UBE2G1: variants seen among roughly 807,000 people sequenced by gnomAD.
The protein encoded by UBE2G1 is ubiquitin conjugating enzyme E2 G1.
A neutral mutation model predicts 22.7 loss-of-function variants in UBE2G1; 5 were observed. The ratio of observed to expected loss-of-function variants is 0.22; its 90% CI spans 0.12 to 0.46. The LOEUF is 0.46. Among genes scored for constraint, UBE2G1 ranks in the 20% least tolerant of loss-of-function variants. The pLI, the probability that UBE2G1 is intolerant of heterozygous loss-of-function variation, is 0.99. For missense variants in UBE2G1, 88 were observed against 203.9 expected (o/e 0.43, Z 3.46); for synonymous variants, 74 against 67.5 (o/e 1.10, Z -0.47).
chr17:4,362,111 TA>T (rs1969975848), intron 1 of UBE2G1, among the ~76,000 whole-genome samples: 1 of 152,338 alleles, frequency 6.6e-6, no homozygotes, highest in South Asian at 2.1e-4. Context: ...TAAAATGTTT[TA>T]AAAGTATCTC....
chr17:4,355,942 C>T (rs1318500406), intron 1 of UBE2G1, among the ~76,000 whole-genome samples: 4 of 148,138 alleles, frequency 2.7e-5, no homozygotes, highest in Non-Finnish European at 3.0e-5. Context: ...TCAGGTGATC[C>T]GCCCGCCTCG....
At chr17:4,274,791 G>A (rs539086242) in intron 5 of UBE2G1, among the ~76,000 whole-genome samples, 93 of 152,254 alleles carry the variant, frequency 6.1e-4, no homozygotes, top group African/African-American at 2.2e-3. Context: ...AGTGGCTCCT[G>A]CCTGTAGTCC....
In UBE2G1 at chr17:4,289,251, T is replaced by G. The variant is rs1969006780; in HGVS notation, c.405A>C (p.Ser135=). ...ISMLADPNGD[S]PANVDAAKEW... ...TTACCGCAGCATCAACATTAGCAGG[T>G]GAGTCTCCATTAGGGTCTGCCAGCA... The change falls in exon 4 of 6, where the codon TCA becomes TCC. Residue 135 remains serine, a synonymous_variant. Transcript: ENST00000396981. 1 of 1,570,604 alleles carries G rather than the reference T, an allele frequency of 6.4e-7. No individual in the cohort carries two copies. Among genetic ancestry groups the G allele is most frequent in the African/African-American group, 1.4e-5 (1 of 73,274 alleles).
Position 4,274,066 on chromosome 17 carries a change from C to T in UBE2G1, c.*38-1550G>A, listed in dbSNP as rs532496547. Among the ~76,000 whole-genome samples, 414 of 151,900 alleles carry T rather than the reference C, an allele frequency of 2.7e-3. 5 individuals are homozygous for T. The highest frequency in any genetic ancestry group is 9.5e-3 in the African/African-American group (393 of 41,410). ...CGCGATCTCGGCTCACTGCAAGCTC[C>T]GCCTCCCTGGTTCACGCCATTCTCC... On this transcript the variant is annotated intron_variant, in intron 5 of 5. Coordinates refer to ENST00000396981, the MANE Select transcript of UBE2G1 (RefSeq NM_003342.5).
At chr17:4,279,787 A>T (rs12938587) in intron 5 of UBE2G1, among the ~76,000 whole-genome samples, 116 of 2,346 alleles carry the variant, frequency 0.049, 1 homozygote, top group African/African-American at 0.078. Flanking sequence ...AAAAAAAGTT[A>T]TATATATATA....
intron 1 of UBE2G1, among the ~76,000 whole-genome samples, chr17:4,344,465 G>A (rs922650192): frequency 1.3e-5 from 2 of 151,646 alleles, no homozygotes; most frequent in Admixed American, 6.6e-5. Flanking sequence ...TCTTGAACCC[G>A]GGAGGCGGAG....
At chr17:4,307,489 G>A (rs1598188259) in intron 1 of UBE2G1, among the ~76,000 whole-genome samples, 1 of 152,306 alleles carries the variant, frequency 6.6e-6, no homozygotes, top group East Asian at 1.9e-4. Context: ...CAATTCTTAT[G>A]CTGCTGTCTT....
intron 4 of UBE2G1, among the ~76,000 whole-genome samples, chr17:4,287,378 A>T (rs1475121081): frequency 6.6e-6 from 1 of 152,130 alleles, no homozygotes; most frequent in East Asian, 1.9e-4. Flanking sequence ...CTGGGATTAC[A>T]GGTGTGAGCC....
chr17:4,320,058 T>C (rs1969420836), intron 1 of UBE2G1, among the ~76,000 whole-genome samples: 1 of 152,076 alleles, frequency 6.6e-6, no homozygotes, highest in South Asian at 2.1e-4. Flanking sequence ...TTGGTCCTAT[T>C]TTTACATTAT....
intron 5 of UBE2G1, among the ~76,000 whole-genome samples, chr17:4,282,197 C>T (rs549791526): frequency 2.6e-5 from 4 of 152,180 alleles, no homozygotes; most frequent in Admixed American, 6.5e-5. Context: ...ATTCTCCTCC[C>T]TCAACCTCCT....
intron 1 of UBE2G1, among the ~76,000 whole-genome samples, chr17:4,360,669 T>C (rs1175691423): frequency 6.6e-6 from 1 of 152,174 alleles, no homozygotes; most frequent in East Asian, 1.9e-4. Context: ...CCCAGCACTT[T>C]GGGAGGCTGA....
At chr17:4,353,090 C>T (rs1410305671) in intron 1 of UBE2G1, among the ~76,000 whole-genome samples, 3 of 151,956 alleles carry the variant, frequency 2.0e-5, no homozygotes, top group Admixed American at 2.0e-4. Flanking sequence ...TGGTGGCGGG[C>T]GCCTGTAGTC....
At chr17:4,273,773 T>C (rs577150849) in intron 5 of UBE2G1, among the ~76,000 whole-genome samples, 1 of 152,280 alleles carries the variant, frequency 6.6e-6, no homozygotes, top group South Asian at 2.1e-4. Context: ...TAGGACTGCA[T>C]CTTTAGGTCA....
At position 4,366,378 on chromosome 17, in the gene UBE2G1, G is replaced by A. The variant is rs1488621105; in HGVS notation, c.-62C>T. Reference sequence around the variant, plus strand: ...CCGAAGGGCTGGGGACAGGCTCTGGGGGCGGCTGGAGCGGGGTGTGCCGAG... The same window carrying A: ...CCGAAGGGCTGGGGACAGGCTCTGGAGGCGGCTGGAGCGGGGTGTGCCGAG... On this transcript the variant is annotated 5_prime_UTR_variant, in exon 1 of 6. Coordinates refer to ENST00000396981, the MANE Select transcript of UBE2G1 (RefSeq NM_003342.5). 2 of 1,424,634 alleles carry A rather than the reference G, an allele frequency of 1.4e-6. No individual in the cohort carries two copies. The highest frequency in any genetic ancestry group is 1.5e-5 in the African/African-American group (1 of 67,286). 88.2% of individuals were successfully genotyped at this position (1,424,634 alleles called of 1,614,324 possible).
At chr17:4,346,172 CCTTTTACA>C (rs1969768703) in intron 1 of UBE2G1, among the ~76,000 whole-genome samples, 1 of 151,852 alleles carries the variant, frequency 6.6e-6, no homozygotes, top group Admixed American at 6.6e-5. Flanking sequence ...CTTCTGAAAG[CCTTTTACA>C]CTAATTAAAT....
At chr17:4,335,166 T>C (rs1969630224) in intron 1 of UBE2G1, 1 of 151,972 alleles carries the variant, frequency 6.6e-6, no homozygotes, top group Non-Finnish European at 1.5e-5. Context: ...TATTAAAAGG[T>C]GTATAAGAAA....
intron 1 of UBE2G1, among the ~76,000 whole-genome samples, chr17:4,344,775 C>T (rs918804859): frequency 1.3e-5 from 2 of 152,126 alleles, no homozygotes; most frequent in Non-Finnish European, 2.9e-5. Flanking sequence ...ACAGGAGGAT[C>T]ACTTGAGCCC....
intron 1 of UBE2G1, among the ~76,000 whole-genome samples, chr17:4,362,106 T>C (rs1969975695): frequency 6.6e-6 from 1 of 152,176 alleles, no homozygotes; most frequent in Admixed American, 6.6e-5. Context: ...AAAGATAAAA[T>C]GTTTTAAAAG....
chr17:4,290,912 C>T (rs552745815), intron 3 of UBE2G1, among the ~76,000 whole-genome samples: 2 of 152,116 alleles, frequency 1.3e-5, no homozygotes, highest in African/African-American at 4.8e-5. Context: ...ATGCCAGGCA[C>T]ACATCTGACA....
Sources: gnomAD v4.1 joint callset for allele counts (sites outside exome capture counted in the v4.1 genomes callset) on GRCh38, gnomAD v4.1.1 for gene constraint, MANE v1.5 for transcripts, NCBI Gene and HGNC (gene_info 2026-07-23, HGNC 2026-07-21) for gene names.